ANK2: variants seen among roughly 807,000 people sequenced by gnomAD.
ANK2 encodes the protein ankyrin 2, also known as ankyrin-2.
Under a neutral mutation model 360.5 loss-of-function variants are expected in ANK2, and 83 were observed. That is an observed-to-expected ratio of 0.23 (90% CI 0.19 to 0.28). The LOEUF (loss-of-function observed/expected upper bound fraction) is 0.28. ANK2 is among the 10% of genes least tolerant of loss of function. The probability of loss-of-function intolerance (pLI) is 1.00; values close to 1 mark genes in which losing one functional copy is unlikely to be tolerated. For synonymous variants in ANK2, 1,740 were observed against 1,759.5 expected (o/e 0.99, Z 0.28); for missense variants, 4,201 against 4,795.7 (o/e 0.88, Z 3.66).
At chr4:112,802,672 G>C in the ANK2 span, among the ~76,000 whole-genome samples, 51 of 152,100 alleles carry the variant, frequency 3.4e-4, no homozygotes, top group Admixed American at 3.3e-4. Flanking sequence ...AAATAATTGA[G>C]TAGAAATTTT....
chr4:112,914,094 A>G (rs1312978454), intron 2 of ANK2, among the ~76,000 whole-genome samples: 1 of 152,106 alleles, frequency 6.6e-6, no homozygotes, highest in Non-Finnish European at 1.5e-5. Context: ...GGGCTTCTGT[A>G]ACTTGTTTGG....
At chr4:112,779,528 A>G in the ANK2 span, among the ~76,000 whole-genome samples, 3 of 151,672 alleles carry the variant, frequency 2.0e-5, 1 homozygote, top group Middle Eastern at 6.8e-3. Context: ...CTAAAAAAAG[A>G]AAAAAAAAGG....
chr4:112,738,714 A>G, the ANK2 span: 2 of 611,882 alleles, frequency 3.3e-6, no homozygotes, highest in Non-Finnish European at 3.1e-6. Flanking sequence ...GATCATTAAA[A>G]AGAGAACCAA....
At chr4:113,154,036 T>C (rs778955968) in intron 1 of ANK2, among the ~76,000 whole-genome samples, 1 of 152,184 alleles carries the variant, frequency 6.6e-6, no homozygotes, top group Non-Finnish European at 1.5e-5. Flanking sequence ...CTTCTTCTTA[T>C]CCAGGTTAAT....
intron 22 of ANK2, among the ~76,000 whole-genome samples, chr4:113,298,495 T>A (rs772229891): frequency 7.9e-5 from 12 of 152,200 alleles, no homozygotes; most frequent in Non-Finnish European, 1.6e-4. Flanking sequence ...AAACACACAG[T>A]TTCTTTTGCA....
intron 4 of ANK2, among the ~76,000 whole-genome samples, chr4:113,199,906 C>T (rs2098805657): frequency 6.6e-6 from 1 of 152,058 alleles, no homozygotes; most frequent in African/African-American, 2.4e-5. Flanking sequence ...CTTTGAAGGC[C>T]ATTGTGTAGG....
chr4:113,141,126 T>C (rs1217241577), intron 1 of ANK2: 1 of 152,220 alleles, frequency 6.6e-6, no homozygotes, highest in African/African-American at 2.4e-5. Context: ...CAGGCGACAG[T>C]TAGTTTACAA....
At chr4:112,904,281 A>G (rs141590718) in intron 1 of ANK2, among the ~76,000 whole-genome samples, 2 of 152,286 alleles carry the variant, frequency 1.3e-5, no homozygotes, top group Non-Finnish European at 2.9e-5. Context: ...AACTCTTGAA[A>G]TGTTCAAATA....
At chr4:113,008,003 A>G (rs1308140107) in intron 2 of ANK2, among the ~76,000 whole-genome samples, 1 of 151,892 alleles carries the variant, frequency 6.6e-6, no homozygotes, top group Non-Finnish European at 1.5e-5. Context: ...AACAGCATAC[A>G]CTTTTCTCCT....
intron 1 of ANK2, chr4:113,151,292 T>A (rs984006938): frequency 1.1e-4 from 50 of 471,106 alleles, no homozygotes; most frequent in Non-Finnish European, 1.6e-4. Context: ...CGAAGCTGGG[T>A]AATTTATAAA....
At chr4:113,370,782 C>T (rs767082584) in intron 43 of ANK2, among the ~76,000 whole-genome samples, 2 of 152,000 alleles carry the variant, frequency 1.3e-5, no homozygotes, top group Non-Finnish European at 2.9e-5. Flanking sequence ...AGAAATTGAT[C>T]AACAATTTAT....
intron 1 of ANK2, among the ~76,000 whole-genome samples, chr4:112,835,587 A>T (rs2060825863): frequency 6.6e-6 from 1 of 152,176 alleles, no homozygotes. Context: ...TTATCATATG[A>T]TGATGGGGAA....
the ANK2 span, among the ~76,000 whole-genome samples, chr4:112,778,424 G>T: frequency 6.6e-6 from 1 of 151,852 alleles, no homozygotes; most frequent in African/African-American, 2.4e-5. Context: ...CCCCTGCCTC[G>T]GCCTCCCAAA....
chr4:112,830,283 A>G (rs1440631310), intron 1 of ANK2, among the ~76,000 whole-genome samples: 1 of 152,240 alleles, frequency 6.6e-6, no homozygotes, highest in African/African-American at 2.4e-5. Context: ...GGTAAATAAA[A>G]TGTGGTACAT....
intron 2 of ANK2, among the ~76,000 whole-genome samples, chr4:113,186,221 T>G (rs570026195): frequency 6.6e-6 from 1 of 152,332 alleles, no homozygotes; most frequent in East Asian, 1.9e-4. Context: ...CAGGAATCTT[T>G]GCTGTTCTGC....
At chr4:112,906,668 G>A (rs759068072) in intron 2 of ANK2, among the ~76,000 whole-genome samples, 3 of 152,140 alleles carry the variant, frequency 2.0e-5, no homozygotes, top group Non-Finnish European at 4.4e-5. Context: ...TGTAGATTTG[G>A]TAGGGAAAAT....
chr4:112,746,328 A>G, the ANK2 span, among the ~76,000 whole-genome samples: 141 of 152,250 alleles, frequency 9.3e-4, no homozygotes, highest in African/African-American at 3.3e-3. Flanking sequence ...CAAACAAAAA[A>G]AAGTTCAAAT....
chr4:113,322,147 G>T (rs1366342567), intron 26 of ANK2, among the ~76,000 whole-genome samples: 1 of 152,118 alleles, frequency 6.6e-6, no homozygotes, highest in Non-Finnish European at 1.5e-5. Context: ...ATTAATAGAA[G>T]ACACCGTTTC....
At chr4:112,790,075 T>C in the ANK2 span, among the ~76,000 whole-genome samples, 1 of 152,186 alleles carries the variant, frequency 6.6e-6, no homozygotes, top group Non-Finnish European at 1.5e-5. Flanking sequence ...AAGGATTCAC[T>C]GAGGAGCTCC....
Sources: gnomAD v4.1 joint callset for allele counts (sites outside exome capture counted in the v4.1 genomes callset) on GRCh38, gnomAD v4.1.1 for gene constraint, MANE v1.5 for transcripts, NCBI Gene and HGNC (gene_info 2026-07-23, HGNC 2026-07-21) for gene names.